The following KCMF1 variants were observed in gnomAD, a reference collection of about 807,000 sequenced individuals.
KCMF1 encodes potassium channel modulatory factor 1.
Under a neutral mutation model 41.1 loss-of-function variants are expected in KCMF1, and 3 were observed. The ratio of observed to expected loss-of-function variants is 0.07; its 90% confidence interval spans 0.03 to 0.19. The LOEUF (loss-of-function observed/expected upper bound fraction) is 0.19. Ranked by LOEUF, KCMF1 falls within the 10% of genes least tolerant of loss-of-function variation. KCMF1 has a pLI of 1.00. For missense variants in KCMF1, 286 were observed against 488.9 expected (o/e 0.58, Z 3.91); for synonymous variants, 142 against 164.5 (o/e 0.86, Z 1.04).
chr2:84,997,455 A>G (rs553889399), intron 1 of KCMF1, among the ~76,000 whole-genome samples: 55 of 152,270 alleles, frequency 3.6e-4, no homozygotes, highest in African/African-American at 1.3e-3. Context: ...TTTAAGACCG[A>G]AAAGGTGAAA....
intron 1 of KCMF1, among the ~76,000 whole-genome samples, chr2:84,977,825 G>T (rs906196549): frequency 1.3e-5 from 2 of 151,936 alleles, no homozygotes; most frequent in Non-Finnish European, 2.9e-5. Context: ...TTTAATTTCT[G>T]GGGTCTTTGA....
chr2:85,024,264 G>A (rs148583267), intron 1 of KCMF1, among the ~76,000 whole-genome samples: 1,864 of 152,230 alleles, frequency 0.012, 49 homozygotes, highest in African/African-American at 0.043. Flanking sequence ...CAGATCACCC[G>A]GAGTTCGAGA....
At chr2:85,002,118 CA>C (rs1438872146) in intron 1 of KCMF1, among the ~76,000 whole-genome samples, 4 of 152,170 alleles carry the variant, frequency 2.6e-5, no homozygotes, top group African/African-American at 9.7e-5. Flanking sequence ...ATATTAATAA[CA>C]TTATTGCAAA....
At chr2:85,021,806 A>G (rs1674951484) in intron 1 of KCMF1, among the ~76,000 whole-genome samples, 1 of 151,924 alleles carries the variant, frequency 6.6e-6, no homozygotes, top group Non-Finnish European at 1.5e-5. Flanking sequence ...AGGGAATCCC[A>G]TGGTGTTTTG....
At chr2:85,047,492 A>C (rs1675699336) in intron 5 of KCMF1, among the ~76,000 whole-genome samples, 1 of 152,022 alleles carries the variant, frequency 6.6e-6, no homozygotes. Flanking sequence ...AGCTCTTCTC[A>C]TGGAAGAAAG....
chr2:85,018,330 C>T (rs779917564), intron 1 of KCMF1, among the ~76,000 whole-genome samples: 4 of 141,330 alleles, frequency 2.8e-5, no homozygotes, highest in Non-Finnish European at 6.0e-5. Flanking sequence ...GAGTGCAGTG[C>T]GCAAACTCGG....
At chr2:85,052,272 C>T (rs1574046114) in intron 6 of KCMF1, among the ~76,000 whole-genome samples, 1 of 152,054 alleles carries the variant, frequency 6.6e-6, no homozygotes, top group Non-Finnish European at 1.5e-5. Context: ...GGTTTCACCA[C>T]ATTAGCCAGG....
chr2:84,985,238 C>G (rs113091208), intron 1 of KCMF1, among the ~76,000 whole-genome samples: 1 of 152,208 alleles, frequency 6.6e-6, no homozygotes, highest in Admixed American at 6.5e-5. Context: ...TGGACACCCT[C>G]GCATTGTAGG....
Position 85,053,418 on chromosome 2 carries a change from C to CG in KCMF1, c.*9_*10insG. 6.2e-7 allele frequency: 1 copy of CG among 1,608,316 alleles called. No individual in the cohort carries two copies. The highest frequency in any genetic ancestry group is 8.5e-7 in the Non-Finnish European group (1 of 1,176,916). On this transcript the variant is annotated 3_prime_UTR_variant, in exon 7 of 7. Coordinates refer to ENST00000409785, the MANE Select transcript of KCMF1 (RefSeq NM_020122.5). ...CACCACCTCCTCTTTGATGACATCC[C>CG]AATTCGCAGACAATGTCCTCTGTGC... is the stretch of plus-strand genomic sequence containing the variant.
In KCMF1 at chr2:85,053,628, T is replaced by G. The variant is rs907195423; in HGVS notation, c.*219T>G. ...AATGTAGGTAGCAGTGCAGGGGTGA[T>G]CTCTGCTTCCTGTACCTTGACATGC... is the stretch of plus-strand genomic sequence containing the variant. On this transcript the variant is annotated 3_prime_UTR_variant, in exon 7 of 7. Coordinates refer to ENST00000409785, the MANE Select transcript of KCMF1 (RefSeq NM_020122.5). 1 of 519,906 alleles carries G rather than the reference T, an allele frequency of 1.9e-6. No homozygotes were observed. Among genetic ancestry groups the G allele is most frequent in the Non-Finnish European group, 3.4e-6 (1 of 297,200 alleles). The allele number at this position is 519,906 out of a possible 1,614,324, so 32.2% of individuals were successfully genotyped here.
At chr2:84,972,724 T>TTAAA (rs1673432173) in intron 1 of KCMF1, among the ~76,000 whole-genome samples, 1 of 152,242 alleles carries the variant, frequency 6.6e-6, no homozygotes, top group Admixed American at 6.5e-5. Context: ...ATTAAAATTG[T>TTAAA]ATTTAGAACA....
At chr2:85,021,974 G>A (rs985417585) in intron 1 of KCMF1, among the ~76,000 whole-genome samples, 7 of 151,994 alleles carry the variant, frequency 4.6e-5, no homozygotes, top group African/African-American at 9.6e-5. Flanking sequence ...CTGCCACCAC[G>A]CCTGGCTAAT....
chr2:85,019,761 T>C (rs1574028484), intron 1 of KCMF1, among the ~76,000 whole-genome samples: 1 of 151,786 alleles, frequency 6.6e-6, no homozygotes. Context: ...TATGTGTGTG[T>C]ATATATACAT....
At chr2:85,046,074 C>T (rs375716966) in intron 4 of KCMF1, 30 bp from the exon 5 acceptor site, 15 of 1,571,104 alleles carry the variant, frequency 9.5e-6, no homozygotes, top group Non-Finnish European at 1.2e-5. Context: ...CTGTGAAATA[C>T]TTTCGTTTTT....
chr2:85,034,915 C>G, intron 2 of KCMF1, 101 bp from the exon 3 acceptor site: 1 of 1,025,012 alleles, frequency 9.8e-7, no homozygotes, highest in South Asian at 1.8e-5. Flanking sequence ...AACCACTGCT[C>G]CTGGCCCACA....
At chr2:84,990,597 C>T (rs192607971) in intron 1 of KCMF1, among the ~76,000 whole-genome samples, 10 of 151,888 alleles carry the variant, frequency 6.6e-5, no homozygotes, top group Admixed American at 2.0e-4. Flanking sequence ...TTGCTCAAGC[C>T]CAGGAGTTTG....
rs530478392 is a variant in KCMF1, at chr2:84,990,790, T to C, written c.16+19323T>C. 5.9e-5 allele frequency among the ~76,000 whole-genome samples: 9 copies of C among 152,260 alleles called. No individual in the cohort carries two copies. The South Asian group carries it at 1.9e-3, about 32-fold the overall frequency. The stretch of plus-strand genomic sequence containing the variant: ...TTCATTAAGTATAAAAGTCCTGAGT[T>C]GGAACACGGTAGGACAACAGGGTGG... On this transcript the variant is annotated intron_variant, in intron 1 of 6. Coordinates refer to ENST00000409785, the MANE Select transcript of KCMF1 (RefSeq NM_020122.5).
chr2:85,047,239 C>G (rs114385859), intron 5 of KCMF1, among the ~76,000 whole-genome samples: 1,584 of 152,192 alleles, frequency 0.01, 22 homozygotes, highest in African/African-American at 0.036. Flanking sequence ...TGAATACCTC[C>G]AAAATGTCAT....
chr2:84,995,625 T>G (rs1333574103), intron 1 of KCMF1, among the ~76,000 whole-genome samples: 1 of 152,158 alleles, frequency 6.6e-6, no homozygotes, highest in Non-Finnish European at 1.5e-5. Context: ...CTTTATCATT[T>G]TTATTTCTGT....
Sources: gnomAD v4.1 joint callset for allele counts (sites outside exome capture counted in the v4.1 genomes callset) on GRCh38, gnomAD v4.1.1 for gene constraint, MANE v1.5 for transcripts, NCBI Gene and HGNC (gene_info 2026-07-23, HGNC 2026-07-21) for gene names.